GJA8: variants seen among roughly 807,000 people sequenced by gnomAD.
The protein encoded by GJA8 is gap junction alpha-8 protein.
Under a neutral mutation model 15.3 loss-of-function variants are expected in GJA8, and 13 were observed. The observed-to-expected ratio is 0.85, with a 90% CI of 0.55 to 1.35. The LOEUF (loss-of-function observed/expected upper bound fraction) is 1.35, where lower values mean the gene tolerates loss of function less well. GJA8 is among the 40% of genes most tolerant of loss of function. The pLI is 0.00. For missense variants in GJA8, 607 were observed against 553.3 expected (o/e 1.10, Z -0.97); for synonymous variants, 304 against 238.7 (o/e 1.27, Z -2.52).
At chr1:147,909,634 T>A (rs1652017890), downstream of GJA8, among the ~76,000 whole-genome samples, 7 of 152,316 alleles carry the variant, frequency 4.6e-5, no homozygotes, top group Admixed American at 4.6e-4. Context: ...AGCCAGAATC[T>A]ATCATCCCAG....
At chr1:147,910,281 T>C (rs1468669602), downstream of GJA8, among the ~76,000 whole-genome samples, 2 of 152,242 alleles carry the variant, frequency 1.3e-5, no homozygotes, top group African/African-American at 2.4e-5. Context: ...AGGCACCAAT[T>C]TGCAATATCA....
At chr1:147,914,379 T>G in the GJA8 span, among the ~76,000 whole-genome samples, 1 of 152,150 alleles carries the variant, frequency 6.6e-6, no homozygotes, top group Non-Finnish European at 1.5e-5. Flanking sequence ...GAGAGACACG[T>G]TATTGGGATG....
chr1:147,912,078 G>A (rs140920356), downstream of GJA8, among the ~76,000 whole-genome samples: 1 of 152,308 alleles, frequency 6.6e-6, no homozygotes, highest in African/African-American at 2.4e-5. Flanking sequence ...TTTAGTAGCT[G>A]TATCATTATT....
chr1:147,908,645 G>C lies in GJA8; in HGVS notation c.690G>C (p.Lys230Asn). 1 of 1,614,180 alleles carries C rather than the reference G, an allele frequency of 6.2e-7. No homozygotes were observed. Among genetic ancestry groups the C allele is most frequent in the Non-Finnish European group, 8.5e-7 (1 of 1,180,034 alleles). Residue 230 changes from lysine to asparagine, a missense_variant, in exon 2 of 2, where the codon AAG becomes AAC. Physicochemically the swap from Lys to Asn is moderately conservative, Grantham distance 94 (BLOSUM62 0). Coordinates refer to ENST00000369235, the MANE Select transcript of GJA8 (RefSeq NM_005267.5). The stretch of plus-strand genomic sequence containing the variant: ...TGGAGTTGGGCCACCTGGGCCTGAA[G>C]GGGATCCGGTCTGCCTTGAAGAGGC... ...NVMELGHLGL[K>N]GIRSALKRPV...
rs587755930 is a variant in GJA8 at position 147,908,676 on chromosome 1, G to C, written c.721G>C (p.Glu241Gln). The C allele has an allele frequency of 1.2e-6, 2 of 1,614,174 alleles. No individual in the cohort carries two copies. The highest frequency in any genetic ancestry group is 1.3e-5 in the African/African-American group (1 of 75,042). The change falls in exon 2 of 2, where the codon GAG (glutamate) becomes CAG (glutamine). Residue 241 changes from glutamate (E) to glutamine (Q), a missense_variant. Transcript: ENST00000369235. Reference sequence around the variant, plus strand: ...CCGGTCTGCCTTGAAGAGGCCTGTAGAGCAGCCCCTGGGGGAGATTCCTGA... The same window carrying C: ...CCGGTCTGCCTTGAAGAGGCCTGTACAGCAGCCCCTGGGGGAGATTCCTGA... ...GIRSALKRPVEQPLGEIPEKS... is the reference protein window; with the variant it reads ...GIRSALKRPVQQPLGEIPEKS...
At chr1:147,912,895 TAAA>T (rs782718322), downstream of GJA8, among the ~76,000 whole-genome samples, 192 of 118,976 alleles carry the variant, frequency 1.6e-3, 1 homozygote, top group African/African-American at 5.3e-3. Flanking sequence ...GGGCATTATT[TAAA>T]AAAAAAAAAA....
rs148480116 is a variant in GJA8 at position 147,908,573 on chromosome 1, C to T, written c.618C>T (p.Ile206=). 4 of 1,614,008 alleles carry T rather than the reference C, an allele frequency of 2.5e-6. No individual in the cohort carries two copies. The Admixed American group carries it at 5.0e-5, about 20-fold the overall frequency. The change falls in exon 2 of 2, where the codon ATC becomes ATT. Residue 206 remains isoleucine (I), a synonymous_variant. Transcript: ENST00000369235. Reference sequence around the variant, plus strand: ...GGCCCACGGAGAAAACCATCTTCATCCTGTTCATGTTGTCTGTGGCCTCTG... The same window carrying T: ...GGCCCACGGAGAAAACCATCTTCATTCTGTTCATGTTGTCTGTGGCCTCTG... ...VSRPTEKTIF[I]LFMLSVASVS... is the part of the protein sequence containing the mutation.
chr1:147,909,192 G>A lies in GJA8; in HGVS notation c.1237G>A (p.Ala413Thr), dbSNP rs61811290. 3 of 1,576,924 alleles carry A rather than the reference G, an allele frequency of 1.9e-6. No individual in the cohort carries two copies. Among genetic ancestry groups the A allele is most frequent in the Non-Finnish European group, 2.6e-6 (3 of 1,157,304 alleles). The change falls in exon 2 of 2, where the codon GCC becomes ACC. Residue 413 changes from alanine (A) to threonine (T), a missense_variant. Ala to Thr is a moderately conservative substitution (Grantham distance 58). Coordinates refer to ENST00000369235, the MANE Select transcript of GJA8 (RefSeq NM_005267.5). ...SLCPELTTDD[A>T]RPLSRLSKAS... ...CTGTCCAGAGCTGACAACAGATGAT[G>A]CCAGACCCCTGAGCAGGCTAAGCAA... is the stretch of plus-strand genomic sequence containing the variant.
At chr1:147,912,023 C>T (rs1443850445), downstream of GJA8, among the ~76,000 whole-genome samples, 1 of 152,188 alleles carries the variant, frequency 6.6e-6, no homozygotes, top group East Asian at 1.9e-4. Flanking sequence ...TAGGAAGAAA[C>T]AGACACAGGC....
chr1:147,910,922 C>A (rs1204913971), downstream of GJA8, among the ~76,000 whole-genome samples: 1 of 152,180 alleles, frequency 6.6e-6, no homozygotes, highest in African/African-American at 2.4e-5. Context: ...TCCTCATATT[C>A]CCACAACTCA....
downstream of GJA8, among the ~76,000 whole-genome samples, chr1:147,911,406 G>C (rs1409738972): frequency 4.6e-5 from 7 of 152,056 alleles, no homozygotes; most frequent in African/African-American, 1.7e-4. Context: ...TTCATTCTAA[G>C]GTTTGATTGT....
In GJA8 at chr1:147,908,251, A is replaced by G. The variant is rs782398614; in HGVS notation, c.296A>G (p.Tyr99Cys). The change falls in exon 2 of 2, where the codon TAC becomes TGC. Residue 99 changes from tyrosine (Y) to cysteine (C), a missense_variant. Transcript: ENST00000369235. ...SLMYVGHAVH[Y>C]VRMEEKRKSR... ...ATGTACGTGGGGCACGCGGTGCACT[A>G]CGTCCGCATGGAGGAGAAGCGCAAA... 1 of 1,614,140 alleles carries G rather than the reference A, an allele frequency of 6.2e-7. No individual in the cohort carries two copies. Among genetic ancestry groups the G allele is most frequent in the Non-Finnish European group, 8.5e-7 (1 of 1,180,034 alleles).
Position 147,909,075 on chromosome 1 carries a change from A to C in GJA8, c.1120A>C (p.Thr374Pro), listed in dbSNP as rs146871420. Reference protein sequence around the residue: ...VAVPEGEKVETPGVDKEGEKE... With the variant: ...VAVPEGEKVEPPGVDKEGEKE... The stretch of plus-strand genomic sequence containing the variant: ...CGTGCCAGAGGGGGAGAAAGTAGAG[A>C]CCCCCGGAGTGGATAAGGAGGGTGA... Residue 374 changes from threonine to proline, a missense_variant, in exon 2 of 2, where the codon ACC becomes CCC. Coordinates refer to ENST00000369235, the MANE Select transcript of GJA8 (RefSeq NM_005267.5). 2.1e-5 allele frequency: 34 copies of C among 1,607,638 alleles called. No homozygotes were observed. In the African/African-American group the frequency reaches 4.0e-4, roughly 19 times the overall value.
chr1:147,906,748 G>A (rs1553242316), intron 1 of GJA8, among the ~76,000 whole-genome samples: 2 of 152,156 alleles, frequency 1.3e-5, no homozygotes, highest in Non-Finnish European at 2.9e-5. Context: ...GTGTAGCTTT[G>A]ATTGCAGGCA....
In GJA8 at chr1:147,902,905, A is replaced by G. The variant is rs73013240; in HGVS notation, c.-12+44A>G. ...ATATTAGTTTGTAACCTTCCCCCCA[A>G]TTGTTCTTTCTCAGCCTAATCTAAG... On this transcript the variant is annotated intron_variant, in intron 1 of 1. Coordinates refer to ENST00000369235, the MANE Select transcript of GJA8 (RefSeq NM_005267.5). Among the ~76,000 whole-genome samples, 1,498 of 152,270 alleles carry G rather than the reference A, an allele frequency of 9.8e-3. 29 individuals carry two copies. The highest frequency in any genetic ancestry group is 0.032 in the African/African-American group (1,347 of 41,540).
chr1:147,907,907 C>A (rs1193838006), intron 1 of GJA8, 38 bp from the exon 2 acceptor site: 2 of 1,435,930 alleles, frequency 1.4e-6, no homozygotes, highest in African/African-American at 1.4e-5. Flanking sequence ...GGTTGCATTG[C>A]GGCCGCTCAG....
chr1:147,904,616 G>A (rs1376400038), intron 1 of GJA8, among the ~76,000 whole-genome samples: 3 of 152,186 alleles, frequency 2.0e-5, no homozygotes, highest in African/African-American at 4.8e-5. Flanking sequence ...AAGAGAAATA[G>A]TCTTCCTTTG....
downstream of GJA8, among the ~76,000 whole-genome samples, chr1:147,913,086 C>T (rs1330570086): frequency 1.3e-5 from 2 of 152,040 alleles, no homozygotes; most frequent in African/African-American, 4.8e-5. Context: ...CCCCTCCTGA[C>T]TCTGGGTATT....
At position 147,908,950 on chromosome 1, in the gene GJA8, A is replaced by C. The variant is rs1651957412; in HGVS notation, c.995A>C (p.Glu332Ala). Residue 332 changes from glutamate to alanine, a missense_variant, in exon 2 of 2, where the codon GAG becomes GCG. By Grantham distance (107) the Glu-to-Ala change is moderately radical (BLOSUM62 -1). Coordinates refer to ENST00000369235, the MANE Select transcript of GJA8 (RefSeq NM_005267.5). Reference sequence around the variant, plus strand: ...GCTCAGGTGGGGGCACAAGAAGTGGAGGGCGAGGGGCCGCCTGCAGAGGAG... The same window carrying C: ...GCTCAGGTGGGGGCACAAGAAGTGGCGGGCGAGGGGCCGCCTGCAGAGGAG... ...SYAQVGAQEVEGEGPPAEEGA... is the reference protein window; with the variant it reads ...SYAQVGAQEVAGEGPPAEEGA... 1.2e-6 allele frequency: 2 copies of C among 1,606,822 alleles called. No individual in the cohort carries two copies. The highest frequency in any genetic ancestry group is 1.3e-5 in the African/African-American group (1 of 74,696).
Sources: gnomAD v4.1 joint callset for allele counts (sites outside exome capture counted in the v4.1 genomes callset) on GRCh38, gnomAD v4.1.1 for gene constraint, MANE v1.5 for transcripts, NCBI Gene and HGNC (gene_info 2026-07-23, HGNC 2026-07-21) for gene names.